INSL3: variants seen among roughly 807,000 people sequenced by gnomAD.
INSL3 encodes the protein insulin like 3.
In INSL3, 6 loss-of-function variants were observed where a neutral mutation model predicts 5.5. The ratio of observed to expected loss-of-function variants is 1.08; its 90% CI spans 0.59 to 2.14. The LOEUF is 2.14. Among genes scored for constraint, INSL3 ranks in the 30% most tolerant of loss-of-function variants. The probability of loss-of-function intolerance (pLI) is 0.00; values close to 1 mark genes in which losing one functional copy is unlikely to be tolerated. For synonymous variants in INSL3, 86 were observed against 82.1 expected, an observed-to-expected ratio of 1.05 and a Z score of -0.26; for missense variants, 178 against 184.7, an observed-to-expected ratio of 0.96 and a Z score of 0.21.
At chr19:17,817,961 G>A (rs772655270) in intron 1 of INSL3, among the ~76,000 whole-genome samples, 2 of 151,874 alleles carry the variant, frequency 1.3e-5, no homozygotes, top group Non-Finnish European at 2.9e-5. Flanking sequence ...AGGGAGTGTC[G>A]GGGGTCTTGG....
intron 1 of INSL3, among the ~76,000 whole-genome samples, chr19:17,818,796 G>C (rs867766407): frequency 6.6e-6 from 1 of 151,954 alleles, no homozygotes; most frequent in Admixed American, 6.6e-5. Flanking sequence ...ATGGCATTAG[G>C]GGGCAGAAGA....
chr19:17,821,147 C>T (rs1220407580), intron 1 of INSL3, among the ~76,000 whole-genome samples, 170 bp downstream of exon 1: 1 of 152,142 alleles, frequency 6.6e-6, no homozygotes, highest in East Asian at 1.9e-4. Context: ...TTCACACGCG[C>T]GTTCACACAC....
At chr19:17,818,267 T>A (rs1263572477) in intron 1 of INSL3, among the ~76,000 whole-genome samples, 2 of 151,976 alleles carry the variant, frequency 1.3e-5, no homozygotes, top group Non-Finnish European at 2.9e-5. Context: ...TTGTCGTATA[T>A]CCCTGCACCA....
chr19:17,818,547 G>T (rs1350651262), intron 1 of INSL3, among the ~76,000 whole-genome samples: 1 of 151,904 alleles, frequency 6.6e-6, no homozygotes, highest in Non-Finnish European at 1.5e-5. Context: ...GCCTGGGAAG[G>T]CAAGGCTGCA....
intron 1 of INSL3, among the ~76,000 whole-genome samples, chr19:17,819,607 C>T (rs569891904): frequency 2.8e-4 from 42 of 151,944 alleles, no homozygotes; most frequent in African/African-American, 1.0e-3. Flanking sequence ...TTTGGGAGGC[C>T]GAGGCAGGTG....
chr19:17,818,636 T>C (rs1769605436), intron 1 of INSL3, among the ~76,000 whole-genome samples: 1 of 151,752 alleles, frequency 6.6e-6, no homozygotes, highest in Admixed American at 6.6e-5. Flanking sequence ...AAAGGACTTA[T>C]GAAAATTTAG....
intron 1 of INSL3, among the ~76,000 whole-genome samples, chr19:17,818,842 C>G (rs761727669): frequency 6.6e-6 from 1 of 151,696 alleles, no homozygotes; most frequent in Non-Finnish European, 1.5e-5. Context: ...ATATACAGGA[C>G]AGCCCCACTA....
At chr19:17,820,648 A>G (rs1323080120) in intron 1 of INSL3, among the ~76,000 whole-genome samples, 5 of 152,058 alleles carry the variant, frequency 3.3e-5, no homozygotes, top group Admixed American at 3.3e-4. Flanking sequence ...TCAGAGTGAG[A>G]CCCTGTCTCA....
rs762412864 is a variant in INSL3, at chr19:17,821,326, C to T, written c.181G>A (p.Gly61Arg). Residue 61 changes from glycine (G) to arginine (R), a missense_variant, in exon 1 of 2, where the codon GGA becomes AGA. Transcript: ENST00000317306. ...GCCCGTCCCCACTCACGGTCGCCTC[C>T]GGTCGCAGGCCTCCTGGCTTCGGTG... ...WSTEARRPATGGDRELLQWLE... is the reference protein window; with the variant it reads ...WSTEARRPATRGDRELLQWLE... 25 of 1,547,392 alleles carry T rather than the reference C, an allele frequency of 1.6e-5. No individual in the cohort carries two copies. Among genetic ancestry groups the T allele is most frequent in the African/African-American group, 5.5e-5 (4 of 73,020 alleles).
Position 17,816,540 on chromosome 19 carries a change from G to A in INSL3, c.*314C>T, listed in dbSNP as rs928667118. 62 of 429,436 alleles carry A rather than the reference G, an allele frequency of 1.4e-4. No individual in the cohort carries two copies. Among genetic ancestry groups the A allele is most frequent in the South Asian group, 1.0e-3 (44 of 42,344 alleles). 26.6% of individuals were successfully genotyped at this position (429,436 alleles called of 1,614,324 possible). ...GCTTTGGGTCGTTTATTTACTAAGA[G>A]ACAGCAAGAAGGGGTGTTACACATG... On this transcript the variant is annotated 3_prime_UTR_variant, in exon 2 of 2. Transcript: ENST00000317306.
rs1270800974 is a variant in INSL3 at position 17,816,522 on chromosome 19, G to A, written c.*332C>T. The A allele has an allele frequency of 4.2e-5, 16 of 382,942 alleles. No individual in the cohort carries two copies. Among genetic ancestry groups the A allele is most frequent in the Non-Finnish European group, 6.9e-5 (14 of 203,044 alleles). 23.7% of individuals were successfully genotyped at this position (382,942 alleles called of 1,614,324 possible). ...GAGAAAATGCAGGAAGCTGCTTTGGGTCGTTTATTTACTAAGAGACAGCAA... is the reference window on the plus strand; with the variant it reads ...GAGAAAATGCAGGAAGCTGCTTTGGATCGTTTATTTACTAAGAGACAGCAA... On this transcript the variant is annotated 3_prime_UTR_variant, in exon 2 of 2. Coordinates refer to ENST00000317306, the MANE Select transcript of INSL3 (RefSeq NM_005543.4).
In INSL3 at chr19:17,816,520, G is replaced by A; in HGVS notation, c.*334C>T. 2.6e-6 allele frequency: 1 copy of A among 379,036 alleles called. No homozygotes were observed. Among genetic ancestry groups the A allele is most frequent in the Admixed American group, 3.9e-5 (1 of 25,552 alleles). The allele number at this position is 379,036 out of a possible 1,614,324, so 23.5% of individuals were successfully genotyped here. On this transcript the variant is annotated 3_prime_UTR_variant, in exon 2 of 2. Transcript: ENST00000317306. ...TAGAGAAAATGCAGGAAGCTGCTTT[G>A]GGTCGTTTATTTACTAAGAGACAGC...
Position 17,816,952 on chromosome 19 carries a change from G to GGTGAGA in INSL3, c.292_297dup (p.Ser98_His99dup). 1.2e-6 allele frequency: 2 copies of GGTGAGA among 1,614,056 alleles called. No homozygotes were observed. The highest frequency in any genetic ancestry group is 1.1e-5 in the South Asian group (1 of 91,082). ...GCAGCTGCACGGTGGTGGCGGTGAT[G>GGTGAGA]GTGAGAGGTCTGGGGCAGGGGCTGC... On this transcript the variant is annotated inframe_insertion, in exon 2 of 2. Transcript: ENST00000317306.
At chr19:17,817,840 A>G in intron 1 of INSL3, among the ~76,000 whole-genome samples, 1 of 147,428 alleles carries the variant, frequency 6.8e-6, no homozygotes, top group Admixed American at 6.9e-5. Context: ...TTAAGCACCT[A>G]CTGTACGCCA....
intron 1 of INSL3, among the ~76,000 whole-genome samples, chr19:17,819,933 CAA>C (rs34708745): frequency 6.4e-4 from 90 of 140,324 alleles, no homozygotes; most frequent in African/African-American, 8.0e-4. Context: ...ACTAAAAATA[CAA>C]AAAAAAAAAA....
chr19:17,818,313 G>A (rs1225438881), intron 1 of INSL3, among the ~76,000 whole-genome samples: 1 of 152,010 alleles, frequency 6.6e-6, no homozygotes, highest in African/African-American at 2.4e-5. Flanking sequence ...GAGGCACGAA[G>A]CCATCAGGAT....
At position 17,816,817 on chromosome 19, in the gene INSL3, G is replaced by A. The variant is rs766760666; in HGVS notation, c.*37C>T. On this transcript the variant is annotated 3_prime_UTR_variant, in exon 2 of 2. Transcript: ENST00000317306. ...GGAGCTCACCAGACCAGACCCTCTG[G>A]GCCTCAGGCCACTCTGAGGCTGCAC... 2 of 1,596,200 alleles carry A rather than the reference G, an allele frequency of 1.3e-6. No individual in the cohort carries two copies. The highest frequency in any genetic ancestry group is 1.7e-6 in the Non-Finnish European group (2 of 1,165,652).
intron 1 of INSL3, among the ~76,000 whole-genome samples, chr19:17,820,641 G>T (rs1325158417): frequency 1.3e-5 from 2 of 152,086 alleles, no homozygotes; most frequent in African/African-American, 4.8e-5. Context: ...CTGGGCGTCA[G>T]AGTGAGACCC....
rs1417026839 is a variant in INSL3 at position 17,816,621 on chromosome 19, C to A, written c.*233G>T. 15 of 586,558 alleles carry A rather than the reference C, an allele frequency of 2.6e-5. No individual in the cohort carries two copies. Among genetic ancestry groups the A allele is most frequent in the Non-Finnish European group, 4.6e-5 (15 of 327,272 alleles). The allele number at this position is 586,558 out of a possible 1,614,324, so 36.3% of individuals were successfully genotyped here. A position where few individuals can be genotyped will look rare whatever the true frequency, so the allele number is the denominator to read the frequency against. On this transcript the variant is annotated 3_prime_UTR_variant, in exon 2 of 2. Coordinates refer to ENST00000317306, the MANE Select transcript of INSL3 (RefSeq NM_005543.4). ...AGTGAGGACATTTGGCTGTCAGTGT[C>A]CAGCATCTGTGAAAGCGGGGATCCT...
Sources: gnomAD v4.1 joint callset for allele counts (sites outside exome capture counted in the v4.1 genomes callset) on GRCh38, gnomAD v4.1.1 for gene constraint, MANE v1.5 for transcripts, NCBI Gene and HGNC (gene_info 2026-07-23, HGNC 2026-07-21) for gene names.